Variants in TRIM65 observed in about 807,000 individuals in gnomAD.
The protein encoded by TRIM65 is tripartite motif containing 65.
A neutral mutation model predicts 36.1 loss-of-function variants in TRIM65; 46 were observed. The observed-to-expected ratio is 1.27, with a 90% CI of 1.01 to 1.63. The LOEUF (loss-of-function observed/expected upper bound fraction) is 1.63. Ranked by LOEUF, TRIM65 falls within the 40% of genes most tolerant of loss-of-function variation. The probability of loss-of-function intolerance (pLI) is 0.00; values close to 1 mark genes in which losing one functional copy is unlikely to be tolerated. For synonymous variants in TRIM65, 346 were observed against 313.6 expected (o/e 1.10, Z -1.09); for missense variants, 708 against 696.6 (o/e 1.02, Z -0.18).
rs55643300 is a variant in TRIM65, at chr17:75,896,902, G to A, written c.36C>T (p.Cys12=). The part of the protein sequence containing the change: ...AAQLLEEKLT[C]AICLGLYQDP... ...CCTGGTAGAGCCCCAGGCAGATGGC[G>A]CAGGTCAGCTTCTCCTCCAGCAGCT... Residue 12 remains cysteine, a synonymous_variant, in exon 1 of 6, where the codon TGC becomes TGT. Transcript: ENST00000269383. The A allele has an allele frequency of 7.9e-3, 11,943 of 1,515,198 alleles. 105 individuals are homozygous for A. Among genetic ancestry groups the A allele is most frequent in the East Asian group, 0.014 (520 of 37,282 alleles). 93.9% of individuals were successfully genotyped at this position (1,515,198 alleles called of 1,614,324 possible). A position where few individuals can be genotyped will look rare whatever the true frequency, so the allele number is the denominator to read the frequency against.
At chr17:75,892,689 C>T in intron 2 of TRIM65, 66 bp downstream of exon 2, 2 of 1,473,290 alleles carry the variant, frequency 1.4e-6, no homozygotes. Context: ...GTTCCAGGGA[C>T]CAGCTGGTGG....
At chr17:75,883,802 C>T (rs1323163066) in intron 4 of TRIM65, among the ~76,000 whole-genome samples, 1 of 152,150 alleles carries the variant, frequency 6.6e-6, no homozygotes, top group Admixed American at 6.6e-5. Context: ...GCTGGGATTA[C>T]AGGCGTGAGC....
intron 4 of TRIM65, among the ~76,000 whole-genome samples, chr17:75,881,704 GTGCAATC>G (rs2143993269): frequency 6.6e-6 from 1 of 150,730 alleles, no homozygotes. Flanking sequence ...CAAAAGAGCG[GTGCAATC>G]TGCTCCTGGG....
At position 75,892,870 on chromosome 17, in the gene TRIM65, G is replaced by T; in HGVS notation, c.415-20C>A. 6.3e-7 allele frequency: 1 copy of T among 1,597,114 alleles called. No homozygotes were observed. Among genetic ancestry groups the T allele is most frequent in the Non-Finnish European group, 8.5e-7 (1 of 1,177,264 alleles). On this transcript the variant is annotated intron_variant, in intron 1 of 5. Transcript: ENST00000269383. ...CTGGGCCTGTGGTGCGGGCCCACGG[G>T]ACAAGCAACAAGAGAAGGCCAGGAT...
rs576331145 is a variant in TRIM65 at position 75,891,773 on chromosome 17, C to T, written c.985+40G>A. ...GCACACACAGGCACTTCCTTGCACACGCACACACAGGGGCACACATACACG... is the reference window on the plus strand; with the variant it reads ...GCACACACAGGCACTTCCTTGCACATGCACACACAGGGGCACACATACACG... On this transcript the variant is annotated intron_variant, in intron 5 of 5. Transcript: ENST00000269383. The T allele has an allele frequency of 3.7e-5, 59 of 1,584,424 alleles. No individual in the cohort carries two copies. The South Asian group carries it at 4.9e-4, about 13-fold the overall frequency.
chr17:75,891,103 C>T lies in TRIM65; in HGVS notation c.1230G>A (p.Gly410=), dbSNP rs2065258695. 3 of 1,609,596 alleles carry T rather than the reference C, an allele frequency of 1.9e-6. No individual in the cohort carries two copies. Among genetic ancestry groups the T allele is most frequent in the Non-Finnish European group, 2.5e-6 (3 of 1,179,890 alleles). Residue 410 remains glycine (G), a synonymous_variant, in exon 6 of 6, where the codon GGG becomes GGA. Coordinates refer to ENST00000269383, the MANE Select transcript of TRIM65 (RefSeq NM_173547.4). ...CCCGGCCAATGTTGTCTGTGTGGGG[C>T]CCCAGCCTGCACCGTGGCAGTTGCG... is the stretch of plus-strand genomic sequence containing the variant. ...SYPQLPRCRL[G]PHTDNIGRGP... is the part of the protein sequence containing the mutation.
chr17:75,888,550 G>A (rs191555741), downstream of TRIM65, among the ~76,000 whole-genome samples: 1 of 152,306 alleles, frequency 6.6e-6, no homozygotes, highest in Non-Finnish European at 1.5e-5. Flanking sequence ...CAGCCCGTTG[G>A]GTGCTTCTGC....
rs778933688 is a variant in TRIM65 at position 75,891,331 on chromosome 17, G to C, written c.1002C>G (p.Thr334=). Reference sequence around the variant, plus strand: ...GACGGTTGGCGCTGACTGGATCAAAGGTCAGATTGCGATAATCTGTTGGGG... The same window carrying C: ...GACGGTTGGCGCTGACTGGATCAAACGTCAGATTGCGATAATCTGTTGGGG... ...RKLWQNYRNL[T]FDPVSANRHF... is the part of the protein sequence containing the mutation. The change falls in exon 6 of 6, where the codon ACC becomes ACG. Residue 334 remains threonine, a synonymous_variant. Coordinates refer to ENST00000269383, the MANE Select transcript of TRIM65 (RefSeq NM_173547.4). 2 of 1,613,244 alleles carry C rather than the reference G, an allele frequency of 1.2e-6. No homozygotes were observed. Among genetic ancestry groups the C allele is most frequent in the Admixed American group, 1.7e-5 (1 of 59,996 alleles).
At position 75,896,142 on chromosome 17, in the gene TRIM65, A is replaced by G. The variant is rs1409726870; in HGVS notation, c.414+382T>C. Reference sequence around the variant, plus strand: ...ACGATCTCGGCTTACTGCAAGCTCCACTTCCCGGGTTCACGCCATTCTCCT... The same window carrying G: ...ACGATCTCGGCTTACTGCAAGCTCCGCTTCCCGGGTTCACGCCATTCTCCT... On this transcript the variant is annotated intron_variant, in intron 1 of 5. Coordinates refer to ENST00000269383, the MANE Select transcript of TRIM65 (RefSeq NM_173547.4). 2.0e-5 allele frequency among the ~76,000 whole-genome samples: 3 copies of G among 152,102 alleles called. No individual in the cohort carries two copies. In the East Asian group the frequency reaches 5.8e-4, roughly 29 times the overall value.
At chr17:75,891,693 A>C in intron 5 of TRIM65, 120 bp downstream of exon 5, 1 of 1,297,780 alleles carries the variant, frequency 7.7e-7, no homozygotes, top group Admixed American at 2.2e-5. Context: ...AGTCAAAACA[A>C]GTGCCCCCCT....
rs777877302 is a variant in TRIM65, at chr17:75,896,865, G to T, written c.73C>A (p.Leu25Met). 6.5e-7 allele frequency: 1 copy of T among 1,531,400 alleles called. No individual in the cohort carries two copies. Among genetic ancestry groups the T allele is most frequent in the South Asian group, 1.2e-5 (1 of 82,752 alleles). The allele number at this position is 1,531,400 out of a possible 1,614,324, so 94.9% of individuals were successfully genotyped here. ...CLGLYQDPVT[L>M]PCGHNFCGAC... Reference sequence around the variant, plus strand: ...CCGCAGAAGTTGTGGCCGCAGGGCAGCGTCACTGGGTCCTGGTAGAGCCCC... The same window carrying T: ...CCGCAGAAGTTGTGGCCGCAGGGCATCGTCACTGGGTCCTGGTAGAGCCCC... The change falls in exon 1 of 6, where the codon CTG becomes ATG. Residue 25 changes from leucine to methionine, a missense_variant. Physicochemically the swap from Leu to Met is conservative, Grantham distance 15 (BLOSUM62 2). Coordinates refer to ENST00000269383, the MANE Select transcript of TRIM65 (RefSeq NM_173547.4).
At position 75,896,901 on chromosome 17, in the gene TRIM65, C is replaced by T. The variant is rs374692828; in HGVS notation, c.37G>A (p.Ala13Thr). 173 of 1,515,220 alleles carry T rather than the reference C, an allele frequency of 1.1e-4. 1 individual carries two copies. The highest frequency in any genetic ancestry group is 1.3e-4 in the Non-Finnish European group (145 of 1,136,244). 93.9% of individuals were successfully genotyped at this position (1,515,220 alleles called of 1,614,324 possible). A position where few individuals can be genotyped will look rare whatever the true frequency, so the allele number is the denominator to read the frequency against. ...AQLLEEKLTC[A>T]ICLGLYQDPV... Reference sequence around the variant, plus strand: ...TCCTGGTAGAGCCCCAGGCAGATGGCGCAGGTCAGCTTCTCCTCCAGCAGC... The same window carrying T: ...TCCTGGTAGAGCCCCAGGCAGATGGTGCAGGTCAGCTTCTCCTCCAGCAGC... The change falls in exon 1 of 6, where the codon GCC becomes ACC. Residue 13 changes from alanine to threonine, a missense_variant. Coordinates refer to ENST00000269383, the MANE Select transcript of TRIM65 (RefSeq NM_173547.4).
At chr17:75,887,646 CAAAAAAA>C, downstream of TRIM65, among the ~76,000 whole-genome samples, 1 of 90,676 alleles carries the variant, frequency 1.1e-5, no homozygotes, top group East Asian at 3.5e-4. Flanking sequence ...GACTCCGTCT[CAAAAAAA>C]AAAAAAAAAA....
chr17:75,891,723 A>C, intron 5 of TRIM65, 90 bp downstream of exon 5: 1 of 1,392,440 alleles, frequency 7.2e-7, no homozygotes, highest in Non-Finnish European at 9.9e-7. Context: ...GTGCATACGA[A>C]CATGCACACA....
intron 4 of TRIM65, chr17:75,880,667 G>C (rs1340965031): frequency 6.6e-6 from 1 of 150,594 alleles, no homozygotes; most frequent in Admixed American, 6.6e-5. Context: ...TTGGAGAGAG[G>C]CCCAGGCCCA....
rs747188050 is a variant in TRIM65 at position 75,890,806 on chromosome 17, C to T, written c.1527G>A (p.Leu509=). 2.0e-6 allele frequency: 3 copies of T among 1,500,880 alleles called. No individual in the cohort carries two copies. Among genetic ancestry groups the T allele is most frequent in the African/African-American group, 1.4e-5 (1 of 70,488 alleles). 93.0% of individuals were successfully genotyped at this position (1,500,880 alleles called of 1,614,324 possible). Residue 509 remains leucine (L), a synonymous_variant, in exon 6 of 6, where the codon CTG becomes CTA. Transcript: ENST00000269383. ...LCHQPGAVFP[L]GPQEEVLS ...AGCTGAGCACCTCTTCCTGGGGCCC[C>T]AGAGGGAACACAGCCCCTGGCTGAT... is the stretch of plus-strand genomic sequence containing the variant.
chr17:75,890,661 C>T lies in TRIM65; in HGVS notation c.*118G>A. 1 of 881,592 alleles carries T rather than the reference C, an allele frequency of 1.1e-6. No individual in the cohort carries two copies. 54.6% of individuals were successfully genotyped at this position (881,592 alleles called of 1,614,324 possible). On this transcript the variant is annotated 3_prime_UTR_variant, in exon 6 of 6. Coordinates refer to ENST00000269383, the MANE Select transcript of TRIM65 (RefSeq NM_173547.4). ...GCTCACCTCCCCCAACCTCCCATCTCTTTCTGAGTTAACAGAGAGGCCAAC... is the reference window on the plus strand; with the variant it reads ...GCTCACCTCCCCCAACCTCCCATCTTTTTCTGAGTTAACAGAGAGGCCAAC...
Position 75,890,096 on chromosome 17 carries a change from T to C in TRIM65, c.*683A>G, listed in dbSNP as rs1457414424. 1 of 152,218 alleles carries C rather than the reference T, an allele frequency of 6.6e-6. No individual in the cohort carries two copies. The allele number at this position is 152,218 out of a possible 1,614,324, so 9.4% of individuals were successfully genotyped here. A position where few individuals can be genotyped will look rare whatever the true frequency, so the allele number is the denominator to read the frequency against. ...CAGGAAACTTCAGAAAACACTGTAA[T>C]CTGAGCTACTCTGGAGGCTGAGGTG... On this transcript the variant is annotated 3_prime_UTR_variant, in exon 6 of 6. Transcript: ENST00000269383.
At chr17:75,879,817 A>G (rs905637715), downstream of TRIM65, among the ~76,000 whole-genome samples, 15 of 150,518 alleles carry the variant, frequency 1.0e-4, no homozygotes, top group Non-Finnish European at 1.9e-4. Flanking sequence ...GCAGTGGCGC[A>G]ATCTCAGCTC....
Sources: allele counts gnomAD v4.1 joint callset (sites outside exome capture counted in the v4.1 genomes callset), GRCh38; gene constraint gnomAD v4.1.1; transcripts MANE v1.5; gene names NCBI Gene and HGNC (gene_info 2026-07-23, HGNC 2026-07-21).